The following KMT2C variants were observed in gnomAD, a reference collection of about 807,000 sequenced individuals.
The protein encoded by KMT2C is lysine methyltransferase 2C.
Under a neutral mutation model 507.9 loss-of-function variants are expected in KMT2C, and 88 were observed. That is an observed-to-expected ratio of 0.17 (90% CI 0.15 to 0.21). The LOEUF (loss-of-function observed/expected upper bound fraction) is 0.21, where lower values mean the gene tolerates loss of function less well. Ranked by LOEUF, KMT2C falls within the 10% of genes least tolerant of loss-of-function variation. The probability of loss-of-function intolerance (pLI) is 1.00; values close to 1 mark genes in which losing one functional copy is unlikely to be tolerated. For synonymous variants in KMT2C, 2,049 were observed against 2,080.8 expected, an observed-to-expected ratio of 0.98 and a Z score of 0.42; for missense variants, 4,954 against 5,957.8, an observed-to-expected ratio of 0.83 and a Z score of 5.55.
At chr7:152,232,449 A>T (rs2095147561) in intron 16 of KMT2C, among the ~76,000 whole-genome samples, 1 of 152,248 alleles carries the variant, frequency 6.6e-6, no homozygotes, top group Non-Finnish European at 1.5e-5. Flanking sequence ...ACTATAATAT[A>T]AAAACATGCA....
At chr7:152,426,598 A>G (rs1243765381) in intron 1 of KMT2C, among the ~76,000 whole-genome samples, 2 of 152,180 alleles carry the variant, frequency 1.3e-5, no homozygotes, top group African/African-American at 2.4e-5. Flanking sequence ...TAAATAGTTT[A>G]TAACAGGCAA....
chr7:152,163,896 G>A (rs149919638), intron 42 of KMT2C, 70 bp from the exon 43 acceptor site: 2 of 1,461,362 alleles, frequency 1.4e-6, no homozygotes, highest in Admixed American at 3.4e-5. Context: ...ACTGGCTGAT[G>A]ACTGTGGTTG....
chr7:152,228,975 T>A (rs2095024128), intron 18 of KMT2C, among the ~76,000 whole-genome samples: 1 of 152,220 alleles, frequency 6.6e-6, no homozygotes, highest in Admixed American at 6.5e-5. Context: ...AAACCTGTAT[T>A]ACCCTATAAA....
rs1172527602 is a variant in KMT2C at position 152,176,623 on chromosome 7, G to A, written c.8830C>T (p.Pro2944Ser). 6.2e-6 allele frequency: 10 copies of A among 1,614,180 alleles called. No homozygotes were observed. The highest frequency in any genetic ancestry group is 8.5e-6 in the Non-Finnish European group (10 of 1,180,028). ...GACACATGATTGGATGGGGAGGCCG[G>A]CAGAGTTGGTGGTGGTGGAGACCCC... ...PSGSPPPPTLPASPSNHVSSL... is the reference protein window; with the variant it reads ...PSGSPPPPTLSASPSNHVSSL... Residue 2944 changes from proline to serine, a missense_variant, in exon 38 of 59, where the codon CCG (proline) becomes TCG (serine). Pro to Ser is a moderately conservative substitution (Grantham distance 74). Coordinates refer to ENST00000262189, the MANE Select transcript of KMT2C (RefSeq NM_170606.3).
At chr7:152,297,272 C>T (rs2096525442) in intron 6 of KMT2C, among the ~76,000 whole-genome samples, 1 of 152,076 alleles carries the variant, frequency 6.6e-6, no homozygotes, top group Admixed American at 6.5e-5. Flanking sequence ...AGGCAAATCT[C>T]AGCTGACTCC....
intron 1 of KMT2C, chr7:152,367,169 G>C: frequency 6.8e-7 from 1 of 1,464,694 alleles, no homozygotes; most frequent in Admixed American, 1.9e-5. Context: ...ATTCTTCCAA[G>C]GATGGTCTCC....
rs568176756 is a variant in KMT2C, at chr7:152,311,954, T to A, written c.591-8A>T. On this transcript the variant is annotated splice_polypyrimidine_tract_variant and splice_region_variant and intron_variant, in intron 4 of 58. Transcript: ENST00000262189. ...TGCTGAGGAGATCGTTCTCTGAAAA[T>A]AAAATAAAATAACTGTGAAAGTGAA... The A allele has an allele frequency of 6.5e-7, 1 of 1,528,826 alleles. No homozygotes were observed. The highest frequency in any genetic ancestry group is 8.9e-7 in the Non-Finnish European group (1 of 1,125,108). The allele number at this position is 1,528,826 out of a possible 1,614,324, so 94.7% of individuals were successfully genotyped here. A position where few individuals can be genotyped will look rare whatever the true frequency, so the allele number is the denominator to read the frequency against.
At chr7:152,259,080 G>C in intron 9 of KMT2C, among the ~76,000 whole-genome samples, 1 of 151,852 alleles carries the variant, frequency 6.6e-6, no homozygotes, top group African/African-American at 2.4e-5. Context: ...ATTATAAGGG[G>C]ATATCAAAGA....
rs2129147792 is a variant in KMT2C, at chr7:152,224,122, C to T, written c.3216G>A (p.Gln1072=). ...ATSAGLRCEW[Q]NNYTQCAPCA... ...AAGGAGCGCACTGTGTGTAATTGTT[C>T]TGCCATTCACATCTTAGACCTGCAG... Residue 1072 remains glutamine (Q), a synonymous_variant, in exon 20 of 59, where the codon CAG becomes CAA. Coordinates refer to ENST00000262189, the MANE Select transcript of KMT2C (RefSeq NM_170606.3). 6 of 1,608,124 alleles carry T rather than the reference C, an allele frequency of 3.7e-6. No homozygotes were observed. Among genetic ancestry groups the T allele is most frequent in the Non-Finnish European group, 5.1e-6 (6 of 1,176,396 alleles).
chr7:152,361,253 T>C (rs1200552943), intron 1 of KMT2C, among the ~76,000 whole-genome samples: 7 of 152,120 alleles, frequency 4.6e-5, no homozygotes, highest in Non-Finnish European at 1.0e-4. Context: ...AGAACATCTT[T>C]AGAATTTATT....
At chr7:152,185,958 A>ACATCT (rs2093614191) in intron 33 of KMT2C, among the ~76,000 whole-genome samples, 1 of 152,210 alleles carries the variant, frequency 6.6e-6, no homozygotes, top group Non-Finnish European at 1.5e-5. Context: ...CCAAAGTACA[A>ACATCT]GTTTGTAAAA....
intron 1 of KMT2C, among the ~76,000 whole-genome samples, chr7:152,413,289 A>G (rs938386764): frequency 1.3e-5 from 2 of 151,768 alleles, no homozygotes; most frequent in African/African-American, 4.8e-5. Flanking sequence ...TAATTTACGT[A>G]TTTTTTGTAG....
chr7:152,196,937 G>T (rs1362397854), intron 27 of KMT2C, among the ~76,000 whole-genome samples: 1 of 152,152 alleles, frequency 6.6e-6, no homozygotes, highest in Non-Finnish European at 1.5e-5. Context: ...GGCAGCTAGG[G>T]CAAGATTATG....
chr7:152,321,729 G>A (rs559789612), intron 3 of KMT2C, among the ~76,000 whole-genome samples: 21 of 151,942 alleles, frequency 1.4e-4, no homozygotes, highest in African/African-American at 4.8e-4. Context: ...TAAAAGACCT[G>A]TATACTGAAA....
At chr7:152,270,670 T>G (rs575536668) in intron 7 of KMT2C, among the ~76,000 whole-genome samples, 2 of 152,200 alleles carry the variant, frequency 1.3e-5, no homozygotes, top group Non-Finnish European at 2.9e-5. Flanking sequence ...TCTTGCATGA[T>G]TGGCTTTGTG....
At chr7:152,380,546 C>T (rs536602582) in intron 1 of KMT2C, among the ~76,000 whole-genome samples, 58 of 146,828 alleles carry the variant, frequency 4.0e-4, no homozygotes, top group African/African-American at 1.5e-3. Context: ...CCAGCCTGGG[C>T]AACAAGAGCG....
chr7:152,432,351 C>T (rs2097870498), intron 1 of KMT2C, among the ~76,000 whole-genome samples: 1 of 152,106 alleles, frequency 6.6e-6, no homozygotes, highest in Admixed American at 6.6e-5. Context: ...AAGAAAAAAG[C>T]TTCAGAAAAA....
intron 1 of KMT2C, among the ~76,000 whole-genome samples, chr7:152,379,191 C>A (rs1400139572): frequency 2.0e-5 from 3 of 152,116 alleles, no homozygotes; most frequent in Non-Finnish European, 4.4e-5. Flanking sequence ...CTGCCCCCAT[C>A]TTTTCATTCT....
At position 152,368,078 on chromosome 7, in the gene KMT2C, T is replaced by C. The variant is rs2129239147; in HGVS notation, c.162-9403A>G. On this transcript the variant is annotated intron_variant, in intron 1 of 58. Transcript: ENST00000262189. Reference sequence around the variant, plus strand: ...AACTTGCTAAAAAGGTAAAGGACTGTTTACCTCTTGCTGTGGTAAGCTAGT... The same window carrying C: ...AACTTGCTAAAAAGGTAAAGGACTGCTTACCTCTTGCTGTGGTAAGCTAGT... 3 of 898,684 alleles carry C rather than the reference T, an allele frequency of 3.3e-6. No homozygotes were observed. In the East Asian group the frequency reaches 7.2e-5, roughly 22 times the overall value. The allele number at this position is 898,684 out of a possible 1,614,324, so 55.7% of individuals were successfully genotyped here.
Sources: gnomAD v4.1 joint callset for allele counts (sites outside exome capture counted in the v4.1 genomes callset) on GRCh38, gnomAD v4.1.1 for gene constraint, MANE v1.5 for transcripts, NCBI Gene and HGNC (gene_info 2026-07-23, HGNC 2026-07-21) for gene names.